The following PCDHGA6 variants were observed in gnomAD, a reference collection of about 807,000 sequenced individuals.
The protein encoded by PCDHGA6 is protocadherin gamma-A6.
In PCDHGA6, 41 loss-of-function variants were observed where a neutral mutation model predicts 60.6. That is an observed-to-expected ratio of 0.68 (90% CI 0.53 to 0.88). The LOEUF is 0.88. Among genes scored for constraint, PCDHGA6 ranks in the 40% least tolerant of loss-of-function variants. The pLI, the probability that PCDHGA6 is intolerant of heterozygous loss-of-function variation, is 0.00. For synonymous variants in PCDHGA6, 594 were observed against 524.4 expected, an observed-to-expected ratio of 1.13 and a Z score of -1.81; for missense variants, 1,312 against 1,203.0, an observed-to-expected ratio of 1.09 and a Z score of -1.34.
chr5:141,489,427 C>T lies in PCDHGA6; in HGVS notation c.2425-5380C>T, dbSNP rs370540900. 83 of 1,613,990 alleles carry T rather than the reference C, an allele frequency of 5.1e-5. No individual in the cohort carries two copies. The highest frequency in any genetic ancestry group is 8.3e-5 in the Admixed American group (5 of 59,996). On this transcript the variant is annotated intron_variant, in intron 1 of 3. Transcript: ENST00000517434. The surrounding 1 kb of genome is among the most constrained non-coding windows in gnomAD (Gnocchi z 4.5). ...AAAGATGACAGATCTGTTGAGCCGGCGGCTGCAATTGGGCTCTGAGGAGAA... is the reference window on the plus strand; with the variant it reads ...AAAGATGACAGATCTGTTGAGCCGGTGGCTGCAATTGGGCTCTGAGGAGAA...
At chr5:141,409,163 G>A in intron 1 of PCDHGA6, 1 of 1,614,026 alleles carries the variant, frequency 6.2e-7, no homozygotes. Context: ...GGAAGTGGAA[G>A]CGAAGGACGG....
chr5:141,430,938 C>A, intron 1 of PCDHGA6: 1 of 1,607,082 alleles, frequency 6.2e-7, no homozygotes, highest in Non-Finnish European at 8.5e-7. Context: ...CGGGAGCTCG[C>A]GGAGCGCGGA....
At chr5:141,383,956 A>T in intron 1 of PCDHGA6, 2 of 1,613,670 alleles carry the variant, frequency 1.2e-6, no homozygotes, top group South Asian at 1.1e-5. Flanking sequence ...GACGTCTTTA[A>T]GTAGCTCAAT....
chr5:141,433,641 G>T (rs1177387884), intron 1 of PCDHGA6, among the ~76,000 whole-genome samples: 1 of 152,104 alleles, frequency 6.6e-6, no homozygotes, highest in Admixed American at 6.5e-5. Flanking sequence ...TTTGAGACCA[G>T]CCTGACCAAC....
rs1312101699 is a variant in PCDHGA6 at position 141,421,245 on chromosome 5, G to C, written c.2424+44738G>C. ...AGCCTGCCATGGCGAATCGGCTACA[G>C]CGCGGGGACCGCAGTCGGCTGCTGC... On this transcript the variant is annotated intron_variant, in intron 1 of 3. Coordinates refer to ENST00000517434, the MANE Select transcript of PCDHGA6 (RefSeq NM_018919.3). 6.2e-7 allele frequency: 1 copy of C among 1,603,936 alleles called. No homozygotes were observed. The highest frequency in any genetic ancestry group is 8.5e-7 in the Non-Finnish European group (1 of 1,176,330).
chr5:141,422,876 G>A (rs2096681830), intron 1 of PCDHGA6: 1 of 1,614,248 alleles, frequency 6.2e-7, no homozygotes, highest in Non-Finnish European at 8.5e-7. Context: ...GTGTCGCTGA[G>A]CCTGTTCGTG....
At chr5:141,497,101 G>A (rs1465038195) in intron 2 of PCDHGA6, among the ~76,000 whole-genome samples, 1 of 152,042 alleles carries the variant, frequency 6.6e-6, no homozygotes, top group African/African-American at 2.4e-5. Flanking sequence ...AGGCAGAACT[G>A]CTTGAACCCG....
rs1454432396 is a variant in PCDHGA6 at position 141,388,086 on chromosome 5, G to T, written c.2424+11579G>T. 2.9e-6 allele frequency: 4 copies of T among 1,368,264 alleles called. No individual in the cohort carries two copies. Among genetic ancestry groups the T allele is most frequent in the Admixed American group, 2.0e-5 (1 of 48,944 alleles). The allele number at this position is 1,368,264 out of a possible 1,614,324, so 84.8% of individuals were successfully genotyped here. On this transcript the variant is annotated intron_variant, in intron 1 of 3. Coordinates refer to ENST00000517434, the MANE Select transcript of PCDHGA6 (RefSeq NM_018919.3). ...GGAGTTACCGACTCGAAAACTGCGCGTCAGTTCGGAGAAGCCTTACTTCAC... is the reference window on the plus strand; with the variant it reads ...GGAGTTACCGACTCGAAAACTGCGCTTCAGTTCGGAGAAGCCTTACTTCAC...
intron 1 of PCDHGA6, among the ~76,000 whole-genome samples, chr5:141,469,538 G>A (rs2099204234): frequency 6.6e-6 from 1 of 152,168 alleles, no homozygotes; most frequent in Non-Finnish European, 1.5e-5. Flanking sequence ...TTGTGCCACT[G>A]CACTCCAGCC....
At chr5:141,502,862 C>CTTTT (rs2154593209) in intron 2 of PCDHGA6, among the ~76,000 whole-genome samples, 1 of 68,550 alleles carries the variant, frequency 1.5e-5, no homozygotes, top group African/African-American at 9.9e-5. Flanking sequence ...CCCTGACTCT[C>CTTTT]TGTCTTTTTT....
intron 1 of PCDHGA6, chr5:141,393,583 C>T: frequency 6.2e-7 from 1 of 1,613,930 alleles, no homozygotes. Flanking sequence ...AACATGCCCC[C>T]AGGCACGCGG....
At chr5:141,419,793 C>T in intron 1 of PCDHGA6, 1 of 1,614,072 alleles carries the variant, frequency 6.2e-7, no homozygotes, top group East Asian at 2.2e-5. Flanking sequence ...CTGCTAGTCG[C>T]TGTAAGAGAT....
chr5:141,500,365 C>T (rs888624200), intron 2 of PCDHGA6, among the ~76,000 whole-genome samples: 5 of 151,956 alleles, frequency 3.3e-5, no homozygotes, highest in South Asian at 2.1e-4. Flanking sequence ...CCCACTACCA[C>T]GCCCGGCTAA....
chr5:141,380,086 G>T (rs1776198648), intron 1 of PCDHGA6, among the ~76,000 whole-genome samples: 1 of 151,828 alleles, frequency 6.6e-6, no homozygotes. Flanking sequence ...TTTTAGTAGA[G>T]ATGGGGTTTT....
intron 1 of PCDHGA6, chr5:141,422,988 C>T: frequency 6.2e-7 from 1 of 1,614,232 alleles, no homozygotes; most frequent in Non-Finnish European, 8.5e-7. Context: ...AACCTGGCTA[C>T]CTGGTGACCA....
At chr5:141,447,263 C>A (rs953578064) in intron 1 of PCDHGA6, among the ~76,000 whole-genome samples, 1 of 152,116 alleles carries the variant, frequency 6.6e-6, no homozygotes, top group Non-Finnish European at 1.5e-5. Context: ...TCTCAGCCTC[C>A]CAAGTAGCTG....
chr5:141,386,970 C>T (rs767088472), intron 1 of PCDHGA6, among the ~76,000 whole-genome samples: 17 of 152,108 alleles, frequency 1.1e-4, no homozygotes, highest in Non-Finnish European at 2.1e-4. Flanking sequence ...ATCTCAGTGA[C>T]TTTGTGTTTT....
Position 141,486,294 on chromosome 5 carries a change from T to C in PCDHGA6, c.2425-8513T>C, listed in dbSNP as rs764106041. The C allele has an allele frequency of 1.2e-6, 2 of 1,614,036 alleles. No homozygotes were observed. The highest frequency in any genetic ancestry group is 1.7e-6 in the Non-Finnish European group (2 of 1,179,998). On this transcript the variant is annotated intron_variant, in intron 1 of 3. Transcript: ENST00000517434. The surrounding 1 kb of genome is among the most constrained non-coding windows in gnomAD (Gnocchi z 5.0). ...GGCACTGTGGTGGCACTTATCAGTG[T>C]GCAGGATCCAGACTCAGGGTCAAAC...
Position 141,431,948 on chromosome 5 carries a change from T to G in PCDHGA6, c.2424+55441T>G. ...AAATCTGCCCTTTAAATTAGAAAAA[T>G]CTTACGGAAATTACTATAGTTTAGT... is the stretch of plus-strand genomic sequence containing the variant. On this transcript the variant is annotated intron_variant, in intron 1 of 3. Transcript: ENST00000517434. The surrounding 1 kb of genome is among the most constrained non-coding windows in gnomAD (Gnocchi z 4.8). The G allele has an allele frequency of 6.2e-7, 1 of 1,614,076 alleles. No homozygotes were observed. The highest frequency in any genetic ancestry group is 8.5e-7 in the Non-Finnish European group (1 of 1,180,006).
Sources: gnomAD v4.1 joint callset for allele counts (sites outside exome capture counted in the v4.1 genomes callset) on GRCh38, gnomAD v4.1.1 for gene constraint, Gnocchi (gnomAD v3.1) non-coding constraint, MANE v1.5 for transcripts, NCBI Gene and HGNC (gene_info 2026-07-23, HGNC 2026-07-21) for gene names.